The following MET variants were observed in gnomAD, a reference collection of about 807,000 sequenced individuals.
The protein encoded by MET is hepatocyte growth factor receptor.
MET carries 48 observed loss-of-function variants against 133.1 expected under a neutral mutation model. The observed-to-expected ratio is 0.36, with a 90% confidence interval of 0.29 to 0.46. MET has a LOEUF of 0.46. MET is among the 20% of genes least tolerant of loss of function. The probability of loss-of-function intolerance (pLI) is 1.00; values close to 1 mark genes in which losing one functional copy is unlikely to be tolerated. For synonymous variants in MET, 628 were observed against 616.5 expected, an observed-to-expected ratio of 1.02 and a Z score of -0.28; for missense variants, 1,442 against 1,695.9, an observed-to-expected ratio of 0.85 and a Z score of 2.63.
At chr7:116,733,851 G>A (rs1362772417) in intron 3 of MET, among the ~76,000 whole-genome samples, 4 of 152,014 alleles carry the variant, frequency 2.6e-5, no homozygotes, top group Non-Finnish European at 5.9e-5. Context: ...AATTTTAGTA[G>A]GAAAGATACC....
chr7:116,724,455 G>C (rs1366013346), intron 2 of MET, among the ~76,000 whole-genome samples: 2 of 152,232 alleles, frequency 1.3e-5, no homozygotes, highest in Non-Finnish European at 2.9e-5. Context: ...GGGAGCTGTA[G>C]ACCGGAGCTG....
chr7:116,727,392 G>A (rs1792836346), intron 2 of MET, among the ~76,000 whole-genome samples: 9 of 152,154 alleles, frequency 5.9e-5, no homozygotes, highest in Admixed American at 5.9e-4. Flanking sequence ...AACCTCACAG[G>A]GCTGCTGTGG....
rs375285594 is a variant in MET at position 116,745,268 on chromosome 7, G to T, written c.1701+4243G>T. Among the ~76,000 whole-genome samples the T allele has an allele frequency of 6.6e-5, 10 of 151,230 alleles. No homozygotes were observed. In the East Asian group the frequency reaches 1.4e-3, roughly 20 times the overall value. ...AGGAGAACTACAAACCACTGCTCAA[G>T]GAAATAAAAGAGGATACAAACAAAT... On this transcript the variant is annotated intron_variant, in intron 5 of 20. Transcript: ENST00000397752.
chr7:116,735,124 T>G (rs1437167107), intron 3 of MET, among the ~76,000 whole-genome samples: 1 of 152,180 alleles, frequency 6.6e-6, no homozygotes, highest in Non-Finnish European at 1.5e-5. Context: ...AACTACTATG[T>G]GCACTACACT....
intron 11 of MET, among the ~76,000 whole-genome samples, chr7:116,769,251 T>C (rs1160890305): frequency 6.6e-6 from 1 of 152,236 alleles, no homozygotes; most frequent in African/African-American, 2.4e-5. Flanking sequence ...GCTGAGAATC[T>C]CTGCATTGGG....
At chr7:116,786,216 G>C (rs1035242854) in intron 19 of MET, among the ~76,000 whole-genome samples, 16 of 152,150 alleles carry the variant, frequency 1.1e-4, no homozygotes, top group African/African-American at 3.9e-4. Context: ...TCTCTTCTTA[G>C]AAGGGCACTA....
chr7:116,796,456 G>A lies in MET; in HGVS notation c.*332G>A. The A allele has an allele frequency of 2.3e-6, 1 of 442,510 alleles. No homozygotes were observed. Among genetic ancestry groups the A allele is most frequent in the South Asian group, 2.4e-5 (1 of 42,246 alleles). 27.4% of individuals were successfully genotyped at this position (442,510 alleles called of 1,614,324 possible). A position where few individuals can be genotyped will look rare whatever the true frequency, so the allele number is the denominator to read the frequency against. On this transcript the variant is annotated 3_prime_UTR_variant, in exon 21 of 21. Coordinates refer to ENST00000397752, the MANE Select transcript of MET (RefSeq NM_000245.4). Reference sequence around the variant, plus strand: ...GGAAATTGAAGCAGGAAATATTGAGGGCTTCTTGATCACAGAAAACTCAGA... The same window carrying A: ...GGAAATTGAAGCAGGAAATATTGAGAGCTTCTTGATCACAGAAAACTCAGA...
In MET at chr7:116,737,092, A is replaced by T. The variant is rs186521516; in HGVS notation, c.1393-2858A>T. On this transcript the variant is annotated intron_variant, in intron 3 of 20. Coordinates refer to ENST00000397752, the MANE Select transcript of MET (RefSeq NM_000245.4). ...AGAACGGGCTAATGATCAACTAAAA[A>T]GGCATTTGCATCTGTGGTACAGCCT... Among the ~76,000 whole-genome samples, 9 of 152,358 alleles carry T rather than the reference A, an allele frequency of 5.9e-5. No homozygotes were observed. The East Asian group carries it at 1.7e-3, about 29-fold the overall frequency.
chr7:116,676,734 C>T (rs1796172583), intron 1 of MET, among the ~76,000 whole-genome samples: 1 of 152,128 alleles, frequency 6.6e-6, no homozygotes, highest in Non-Finnish European at 1.5e-5. Flanking sequence ...GAGCCAGGCG[C>T]ATATGAGGAG....
intron 1 of MET, among the ~76,000 whole-genome samples, chr7:116,682,989 C>T (rs988080681): frequency 1.3e-4 from 20 of 152,314 alleles, no homozygotes; most frequent in Non-Finnish European, 1.5e-4. Context: ...CCCTGTTGTT[C>T]CCCACACCTG....
chr7:116,769,504 T>C, intron 11 of MET, 141 bp from the exon 12 acceptor site: 1 of 1,030,938 alleles, frequency 9.7e-7, no homozygotes, highest in South Asian at 1.5e-5. Context: ...CCAATTCCCA[T>C]GAAAATTAGT....
intron 1 of MET, among the ~76,000 whole-genome samples, chr7:116,675,750 CTCTCT>C (rs1796135298): frequency 1.4e-5 from 2 of 141,192 alleles, no homozygotes; most frequent in Non-Finnish European, 3.0e-5. Flanking sequence ...CCAGTTCTCT[CTCTCT>C]TTTTTTTTTT....
rs966896581 is a variant in MET at position 116,719,572 on chromosome 7, T to G, written c.1201-12096T>G. ...GACATGAAGTCCTTGCCCATGCCTATGTCCTGAATGGTAATACCTAGGTTT... is the reference window on the plus strand; with the variant it reads ...GACATGAAGTCCTTGCCCATGCCTAGGTCCTGAATGGTAATACCTAGGTTT... On this transcript the variant is annotated intron_variant, in intron 2 of 20. Transcript: ENST00000397752. 1.8e-4 allele frequency among the ~76,000 whole-genome samples: 28 copies of G among 152,356 alleles called. 1 individual carries two copies. Among genetic ancestry groups the G allele is most frequent in the Admixed American group, 9.8e-4 (15 of 15,300 alleles).
chr7:116,698,581 C>G (rs1797048210), intron 1 of MET, among the ~76,000 whole-genome samples: 1 of 152,170 alleles, frequency 6.6e-6, no homozygotes, highest in African/African-American at 2.4e-5. Flanking sequence ...CTAAATTTAG[C>G]CTAGTAATTC....
At chr7:116,724,209 G>A (rs1274386081) in intron 2 of MET, 3 of 166,458 alleles carry the variant, frequency 1.8e-5, no homozygotes, top group Admixed American at 6.1e-5. Flanking sequence ...AAGCCGGTCC[G>A]AAAAGCGCAA....
chr7:116,740,729 A>T, intron 4 of MET, 123 bp from the exon 5 acceptor site: 1 of 1,189,180 alleles, frequency 8.4e-7, no homozygotes, highest in Non-Finnish European at 1.2e-6. Flanking sequence ...TTGCACACAT[A>T]GTTGCTAAGT....
Position 116,777,463 on chromosome 7 carries a change from T to G in MET, c.3334T>G (p.Leu1112Val). Residue 1112 changes from leucine (L) to valine (V), a missense_variant, in exon 16 of 21, where the codon TTG becomes GTG. This residue lies in a region of MET where 514 missense variants were observed against 659.6 expected (regional missense o/e 0.78). Transcript: ENST00000397752. ...GKKIHCAVKSLNRITDIGEVS... is the reference protein window; with the variant it reads ...GKKIHCAVKSVNRITDIGEVS... ...GAAAATTCACTGTGCTGTGAAATCCTTGAACAGTAAGTGGCATTTTATTTA... is the reference window on the plus strand; with the variant it reads ...GAAAATTCACTGTGCTGTGAAATCCGTGAACAGTAAGTGGCATTTTATTTA... 3 of 1,613,798 alleles carry G rather than the reference T, an allele frequency of 1.9e-6. No homozygotes were observed. Among genetic ancestry groups the G allele is most frequent in the Non-Finnish European group, 1.7e-6 (2 of 1,179,768 alleles).
chr7:116,698,178 A>T (rs190049498), intron 1 of MET, among the ~76,000 whole-genome samples: 16 of 152,352 alleles, frequency 1.1e-4, no homozygotes, highest in Non-Finnish European at 5.9e-5. Flanking sequence ...AGAACTCACA[A>T]TGTTTATAAC....
In MET at chr7:116,700,209, C is replaced by G. The variant is rs776693512; in HGVS notation, c.1125C>G (p.Asn375Lys). 2.3e-5 allele frequency: 36 copies of G among 1,594,148 alleles called. 1 individual carries two copies. The East Asian group carries it at 8.0e-4, about 36-fold the overall frequency. Reference protein sequence around the residue: ...FPIKYVNDFFNKIVNKNNVRC... With the variant: ...FPIKYVNDFFKKIVNKNNVRC... Reference sequence around the variant, plus strand: ...TCAAATATGTCAACGACTTCTTCAACAAGATCGTCAACAAAAACAATGTGA... The same window carrying G: ...TCAAATATGTCAACGACTTCTTCAAGAAGATCGTCAACAAAAACAATGTGA... Residue 375 changes from asparagine (N) to lysine (K), a missense_variant, in exon 2 of 21, where the codon AAC (asparagine) becomes AAG (lysine). By Grantham distance (94) the Asn-to-Lys change is moderately conservative. Transcript: ENST00000397752.
Sources: allele counts gnomAD v4.1 joint callset (sites outside exome capture counted in the v4.1 genomes callset), GRCh38; gene constraint gnomAD v4.1.1; regional missense constraint gnomAD v4.1.1; transcripts MANE v1.5; gene names NCBI Gene and HGNC (gene_info 2026-07-23, HGNC 2026-07-21).